Variants in MBNL3 observed in about 807,000 individuals in gnomAD.
MBNL3 encodes the protein muscleblind like splicing regulator 3, also known as muscleblind-like protein 3.
In MBNL3, 6 loss-of-function variants were observed where a neutral mutation model predicts 24.5. The ratio of observed to expected loss-of-function variants is 0.25; its 90% CI spans 0.13 to 0.48. MBNL3 has a LOEUF of 0.48. Among genes scored for constraint, MBNL3 ranks in the 20% least tolerant of loss-of-function variants. The pLI is 0.99. For missense variants in MBNL3, 230 were observed against 293.5 expected, an observed-to-expected ratio of 0.78 and a Z score of 1.58; for synonymous variants, 100 against 101.7, an observed-to-expected ratio of 0.98 and a Z score of 0.10.
rs779516220 is a variant in MBNL3 at position 132,382,259 on chromosome X, G to A, written c.972C>T (p.His324=). The change falls in exon 8 of 9, where the codon CAC becomes CAT. Residue 324 remains histidine (H), a synonymous_variant. Transcript: ENST00000370853. ...APASNIVPMM[H]GATPTTVSAA... The stretch of plus-strand genomic sequence containing the variant: ...CAGACACAGTGGTAGGTGTAGCACC[G>A]TGCATCATGGGCACTTTCAGTTGAA... 1.5e-5 allele frequency: 18 copies of A among 1,197,910 alleles called. No individual in the cohort carries two copies. The highest frequency in any genetic ancestry group is 5.3e-5 in the African/African-American group (3 of 56,973).
intron 1 of MBNL3, among the ~76,000 whole-genome samples, chrX:132,451,012 A>G (rs1946080879): frequency 8.9e-6 from 1 of 112,159 alleles, no homozygotes; most frequent in African/African-American, 3.2e-5. Context: ...CAGAACACCA[A>G]AGATTGCTGC....
chrX:132,480,291 G>T (rs1947661759), intron 1 of MBNL3, among the ~76,000 whole-genome samples: 1 of 111,781 alleles, frequency 8.9e-6, no homozygotes, highest in Non-Finnish European at 1.9e-5. Context: ...TCTGTAACCT[G>T]CTAAACTGAC....
intron 3 of MBNL3, among the ~76,000 whole-genome samples, chrX:132,403,463 G>T (rs1370527193): frequency 1.8e-5 from 2 of 111,594 alleles, no homozygotes; most frequent in South Asian, 3.7e-4. Context: ...AAAATAAATT[G>T]TACTCCTGTG....
At position 132,378,547 on chromosome X, in the gene MBNL3, G is replaced by C. The variant is rs1371457931; in HGVS notation, c.*1119C>G. 1 of 111,963 alleles carries C rather than the reference G, an allele frequency of 8.9e-6. No individual in the cohort carries two copies. The highest frequency in any genetic ancestry group is 1.9e-5 in the Non-Finnish European group (1 of 53,156). 9.2% of individuals were successfully genotyped at this position (111,963 alleles called of 1,213,427 possible). A position where few individuals can be genotyped will look rare whatever the true frequency, so the allele number is the denominator to read the frequency against. ...TTGGAAAATGGCATTTGTGTAAAAG[G>C]TGACATTGCCATGGTTTTACACACT... On this transcript the variant is annotated 3_prime_UTR_variant, in exon 9 of 9. Transcript: ENST00000370853.
chrX:132,479,683 A>C (rs755093464), intron 1 of MBNL3, among the ~76,000 whole-genome samples: 1 of 111,965 alleles, frequency 8.9e-6, no homozygotes, highest in East Asian at 2.8e-4. Context: ...TGCCAGACTC[A>C]AAAATGAAAC....
intron 1 of MBNL3, among the ~76,000 whole-genome samples, chrX:132,465,219 G>T (rs1946826920): frequency 8.9e-6 from 1 of 111,742 alleles, no homozygotes; most frequent in South Asian, 3.7e-4. Flanking sequence ...TTTGAACATA[G>T]AAAACTCTAG....
Position 132,439,596 on chromosome X carries a change from C to T in MBNL3, c.16G>A (p.Val6Ile). The change falls in exon 2 of 9, where the codon GTT becomes ATT. Residue 6 changes from valine to isoleucine, a missense_variant. Val to Ile is a conservative substitution (Grantham distance 29). Coordinates refer to ENST00000370853, the MANE Select transcript of MBNL3 (RefSeq NM_001386889.1). ...CACTTGGTATCACGAATCAGGGCAA[C>T]ATTGACAGCCGTCATATTGAAAGCA... MTAVN[V>I]ALIRDTKWLT... is the part of the protein sequence containing the mutation. The T allele has an allele frequency of 3.3e-6, 4 of 1,199,656 alleles. No individual in the cohort carries two copies. The highest frequency in any genetic ancestry group is 4.5e-6 in the Non-Finnish European group (4 of 890,238).
At chrX:132,489,510 C>T (rs1468337340), upstream of MBNL3, among the ~76,000 whole-genome samples, 1 of 111,378 alleles carries the variant, frequency 9.0e-6, no homozygotes, top group Non-Finnish European at 1.9e-5. Context: ...TTGCCAAAGG[C>T]GTGCCCTCCT....
intron 1 of MBNL3, among the ~76,000 whole-genome samples, chrX:132,481,621 C>T (rs1947742021): frequency 1.8e-5 from 2 of 111,694 alleles, no homozygotes; most frequent in Non-Finnish European, 3.8e-5. Context: ...TAAATCAAAT[C>T]ACATTTTAGA....
chrX:132,428,666 TGA>T (rs963681486), intron 2 of MBNL3, among the ~76,000 whole-genome samples: 35 of 111,898 alleles, frequency 3.1e-4, no homozygotes, highest in African/African-American at 1.1e-3. Context: ...AGTGACACAC[TGA>T]GAGGAAAACA....
intron 7 of MBNL3, among the ~76,000 whole-genome samples, chrX:132,384,118 G>C (rs1467012859): frequency 8.9e-6 from 1 of 112,062 alleles, no homozygotes; most frequent in Non-Finnish European, 1.9e-5. Flanking sequence ...AAATGATTCT[G>C]TTGTGCCTAG....
intron 1 of MBNL3, among the ~76,000 whole-genome samples, chrX:132,472,107 C>T (rs760261917): frequency 9.8e-5 from 11 of 112,003 alleles, no homozygotes; most frequent in Middle Eastern, 4.6e-3. Flanking sequence ...GGCTTATTGA[C>T]TAGAGTCAGA....
intron 1 of MBNL3, among the ~76,000 whole-genome samples, chrX:132,467,273 A>T (rs1946937993): frequency 8.9e-6 from 1 of 111,857 alleles, no homozygotes; most frequent in South Asian, 3.7e-4. Context: ...CACGCCAATA[A>T]TTAAGAAATA....
rs181838055 is a variant in MBNL3, at chrX:132,400,478, G to A, written c.342+5750C>T. 8.0e-5 allele frequency among the ~76,000 whole-genome samples: 9 copies of A among 112,040 alleles called. No homozygotes were observed. The East Asian group carries it at 2.2e-3, about 28-fold the overall frequency. ...TCTACTTTGGACCAGTAATTGCAAT[G>A]AGGAGCAAATCTAGGATATGTGGGG... On this transcript the variant is annotated intron_variant, in intron 3 of 8. Transcript: ENST00000370853.
chrX:132,455,951 G>C (rs1946350304), intron 1 of MBNL3, among the ~76,000 whole-genome samples: 1 of 111,799 alleles, frequency 8.9e-6, no homozygotes, highest in Non-Finnish European at 1.9e-5. Context: ...TGCACACATG[G>C]TTTTGTTTCA....
At chrX:132,488,121 G>A (rs1435049316) in intron 1 of MBNL3, among the ~76,000 whole-genome samples, 1 of 111,761 alleles carries the variant, frequency 8.9e-6, no homozygotes, top group East Asian at 2.8e-4. Context: ...AACGATGTAA[G>A]AACATCTAGG....
At chrX:132,428,514 TAA>T (rs56677705) in intron 2 of MBNL3, among the ~76,000 whole-genome samples, 2 of 94,639 alleles carry the variant, frequency 2.1e-5, no homozygotes, top group African/African-American at 3.8e-5. Flanking sequence ...CATCAAAAAT[TAA>T]AAAAAAAAAA....
At chrX:132,438,018 T>C in intron 2 of MBNL3, 1 of 266,206 alleles carries the variant, frequency 3.8e-6, no homozygotes, top group Non-Finnish European at 5.2e-6. Flanking sequence ...TACTACAGGT[T>C]AAGCATCTTT....
At chrX:132,391,329 T>G (rs1480407667) in intron 4 of MBNL3, among the ~76,000 whole-genome samples, 2 of 111,828 alleles carry the variant, frequency 1.8e-5, no homozygotes, top group Admixed American at 1.9e-4. Flanking sequence ...TACATTGAAA[T>G]AAAAATGTTT....
Sources: gnomAD v4.1 joint callset for allele counts (sites outside exome capture counted in the v4.1 genomes callset) on GRCh38, gnomAD v4.1.1 for gene constraint, MANE v1.5 for transcripts, NCBI Gene and HGNC (gene_info 2026-07-23, HGNC 2026-07-21) for gene names.